SCARA5: variants seen among roughly 807,000 people sequenced by gnomAD.
SCARA5 encodes scavenger receptor class A, member 5 (putative).
A neutral mutation model predicts 46.3 loss-of-function variants in SCARA5; 45 were observed. That is an observed-to-expected ratio of 0.97 (90% CI 0.76 to 1.24). The LOEUF (loss-of-function observed/expected upper bound fraction) is 1.24, where lower values mean the gene tolerates loss of function less well. Ranked by LOEUF, SCARA5 falls within the 50% of genes most tolerant of loss-of-function variation. The pLI is 0.00. For synonymous variants in SCARA5, 333 were observed against 306.5 expected, an observed-to-expected ratio of 1.09 and a Z score of -0.90; for missense variants, 680 against 689.0, an observed-to-expected ratio of 0.99 and a Z score of 0.15.
intron 7 of SCARA5, among the ~76,000 whole-genome samples, chr8:27,885,327 T>G (rs1445857546): frequency 6.6e-6 from 1 of 152,208 alleles, no homozygotes; most frequent in Non-Finnish European, 1.5e-5. Flanking sequence ...CCTTGTCTTT[T>G]AGATCTCAGC....
Position 27,926,201 on chromosome 8 carries a change from T to G in SCARA5, c.242-3956A>C, listed in dbSNP as rs565638205. On this transcript the variant is annotated intron_variant, in intron 3 of 8. Transcript: ENST00000354914. ...AGCAAAGACTTGGAACCAAGCCAAA[T>G]GTCCATCAATGATAGACTGGATTAA... 1.5e-3 allele frequency among the ~76,000 whole-genome samples: 236 copies of G among 152,324 alleles called. 4 individuals are homozygous for G. The highest frequency in any genetic ancestry group is 0.014 in the Admixed American group (218 of 15,304).
Position 27,935,544 on chromosome 8 carries a change from AG to A in SCARA5, c.242-13300del, listed in dbSNP as rs556884493. ...CTAGGCTCCCAGAGAAGAGCTGCTAAGAGCAAGCAGGGTGACAGCACCAAAG... is the reference window on the plus strand; with the variant it reads ...CTAGGCTCCCAGAGAAGAGCTGCTAAAGCAAGCAGGGTGACAGCACCAAAG... On this transcript the variant is annotated intron_variant, in intron 3 of 8. Coordinates refer to ENST00000354914, the MANE Select transcript of SCARA5 (RefSeq NM_173833.6). 4.6e-3 allele frequency among the ~76,000 whole-genome samples: 697 copies of A among 152,314 alleles called. 5 individuals carry two copies. Among genetic ancestry groups the A allele is most frequent in the African/African-American group, 0.016 (653 of 41,562 alleles).
Position 27,922,224 on chromosome 8 carries a change from G to C in SCARA5, c.263C>G (p.Pro88Arg). 2 of 1,577,330 alleles carry C rather than the reference G, an allele frequency of 1.3e-6. No homozygotes were observed. Among genetic ancestry groups the C allele is most frequent in the Non-Finnish European group, 1.7e-6 (2 of 1,160,300 alleles). The change falls in exon 4 of 9, where the codon CCT becomes CGT. Residue 88 changes from proline (P) to arginine (R), a missense_variant. Around this residue, in one of 3 missense-constraint regions of SCARA5, gnomAD observed 438 missense variants for 384.5 expected, o/e 1.14. Transcript: ENST00000354914. ...GCGAGTCAGGGCCTTCAGGTCGTCA[G>C]GGGAGCTGCGCGGCCTGGACACTGC... ...ILAVSRPRSS[P>R]DDLKALTRNV...
At chr8:27,903,776 G>A (rs1807201921) in intron 7 of SCARA5, 1 of 147,828 alleles carries the variant, frequency 6.8e-6, no homozygotes, top group African/African-American at 2.5e-5. Flanking sequence ...TTGTGACTCT[G>A]CAGTGGCCCC....
intron 2 of SCARA5, among the ~76,000 whole-genome samples, chr8:27,983,595 C>G (rs546500476): frequency 3.3e-5 from 5 of 152,174 alleles, no homozygotes; most frequent in Non-Finnish European, 4.4e-5. Flanking sequence ...CATCATTTAC[C>G]AACAATCACA....
At chr8:27,899,204 C>T (rs551985801) in intron 7 of SCARA5, among the ~76,000 whole-genome samples, 27 of 152,316 alleles carry the variant, frequency 1.8e-4, no homozygotes, top group South Asian at 8.3e-4. Context: ...TGAGCCCTTA[C>T]CCTGTGGGGT....
chr8:27,958,937 A>G (rs1168886646), intron 3 of SCARA5, among the ~76,000 whole-genome samples: 1 of 152,146 alleles, frequency 6.6e-6, no homozygotes, highest in Non-Finnish European at 1.5e-5. Flanking sequence ...GTGTCACTAG[A>G]AAGTCTCATG....
intron 3 of SCARA5, among the ~76,000 whole-genome samples, chr8:27,955,238 G>T (rs1485431091): frequency 6.6e-6 from 1 of 152,190 alleles, no homozygotes; most frequent in Non-Finnish European, 1.5e-5. Context: ...CAGAAACACA[G>T]CGAGGGACCC....
chr8:27,963,102 T>C (rs922140425), intron 3 of SCARA5, among the ~76,000 whole-genome samples: 18 of 152,088 alleles, frequency 1.2e-4, no homozygotes, highest in African/African-American at 4.3e-4. Flanking sequence ...ATTTCCACAG[T>C]GAGAATTCAG....
intron 3 of SCARA5, among the ~76,000 whole-genome samples, chr8:27,962,047 C>T (rs1308359759): frequency 6.6e-6 from 1 of 152,154 alleles, no homozygotes; most frequent in Non-Finnish European, 1.5e-5. Flanking sequence ...CACAAGGATA[C>T]ATTAACTACA....
At chr8:27,877,310 CA>C (rs1191981428) in intron 8 of SCARA5, among the ~76,000 whole-genome samples, 1 of 151,964 alleles carries the variant, frequency 6.6e-6, no homozygotes, top group South Asian at 2.1e-4. Context: ...AATAATGGGG[CA>C]AAAAAATAGG....
intron 3 of SCARA5, among the ~76,000 whole-genome samples, chr8:27,930,047 G>A (rs1269875972): frequency 6.6e-6 from 1 of 152,098 alleles, no homozygotes; most frequent in East Asian, 1.9e-4. Context: ...GTCCCCCCCA[G>A]TCCTGCAGGC....
chr8:27,892,478 A>G (rs1398788390), intron 7 of SCARA5, among the ~76,000 whole-genome samples: 1 of 152,184 alleles, frequency 6.6e-6, no homozygotes, highest in Non-Finnish European at 1.5e-5. Context: ...TTTGCAAGGC[A>G]TCACACACTG....
chr8:27,982,465 A>G (rs1466539235), intron 2 of SCARA5, among the ~76,000 whole-genome samples: 3 of 152,248 alleles, frequency 2.0e-5, no homozygotes, highest in East Asian at 3.9e-4. Flanking sequence ...AGCATCCATC[A>G]GAGGCCGCTA....
At chr8:27,988,094 T>C (rs11783449) in intron 1 of SCARA5, among the ~76,000 whole-genome samples, 16,752 of 152,164 alleles carry the variant, frequency 0.11, 1,402 homozygotes, top group African/African-American at 0.23. Context: ...AAACTAGATA[T>C]GAAGGGGCAT....
intron 7 of SCARA5, among the ~76,000 whole-genome samples, chr8:27,901,401 C>T (rs116677794): frequency 3.3e-5 from 5 of 152,204 alleles, no homozygotes; most frequent in African/African-American, 4.8e-5. Context: ...GGTAGCTCTC[C>T]GGTGCTGCAA....
chr8:27,959,162 G>A (rs1361729881), intron 3 of SCARA5, among the ~76,000 whole-genome samples: 2 of 152,184 alleles, frequency 1.3e-5, no homozygotes, highest in East Asian at 1.9e-4. Flanking sequence ...GAACCCGGGA[G>A]GCAGAGGTTG....
At chr8:27,909,807 G>T in intron 4 of SCARA5, 64 bp from the exon 5 acceptor site, 2 of 1,183,956 alleles carry the variant, frequency 1.7e-6, no homozygotes, top group Non-Finnish European at 2.4e-6. Context: ...CAGGTCATCT[G>T]TAGAGGAAAC....
At chr8:27,974,937 C>T (rs981212726) in intron 2 of SCARA5, among the ~76,000 whole-genome samples, 9 of 151,732 alleles carry the variant, frequency 5.9e-5, no homozygotes, top group African/African-American at 2.2e-4. Context: ...AAAAAATCTT[C>T]TAAAGCTCTT....
Sources: gnomAD v4.1 joint callset for allele counts (sites outside exome capture counted in the v4.1 genomes callset) on GRCh38, gnomAD v4.1.1 for gene constraint, gnomAD v4.1.1 regional missense constraint, MANE v1.5 for transcripts, NCBI Gene and HGNC (gene_info 2026-07-23, HGNC 2026-07-21) for gene names.